The following C12orf42 variants were observed in gnomAD, a reference collection of about 807,000 sequenced individuals.
C12orf42 encodes the protein uncharacterized protein C12orf42.
C12orf42 carries 25 observed loss-of-function variants against 21.6 expected under a neutral mutation model. That is an observed-to-expected ratio of 1.16 (90% CI 0.84 to 1.62). The LOEUF (loss-of-function observed/expected upper bound fraction) is 1.62. Among genes scored for constraint, C12orf42 ranks in the 40% most tolerant of loss-of-function variants. The probability of loss-of-function intolerance (pLI) is 0.00; values close to 1 mark genes in which losing one functional copy is unlikely to be tolerated. For synonymous variants in C12orf42, 174 were observed against 175.0 expected (o/e 0.99, Z 0.05); for missense variants, 483 against 459.3 (o/e 1.05, Z -0.47).
the C12orf42 span, among the ~76,000 whole-genome samples, chr12:103,139,216 T>C: frequency 6.6e-6 from 1 of 152,334 alleles, no homozygotes; most frequent in Non-Finnish European, 1.5e-5. Flanking sequence ...ATTTTCTTTA[T>C]CAATAAAGCG....
chr12:103,486,129 TA>T (rs2138127428), intron 1 of C12orf42, among the ~76,000 whole-genome samples: 1 of 152,328 alleles, frequency 6.6e-6, no homozygotes, highest in South Asian at 2.1e-4. Flanking sequence ...TAGGTCTTAT[TA>T]TTTTGAGGTA....
the C12orf42 span, among the ~76,000 whole-genome samples, chr12:103,174,735 A>C: frequency 6.6e-6 from 1 of 152,192 alleles, no homozygotes; most frequent in Non-Finnish European, 1.5e-5. Context: ...TAGAAAGCAT[A>C]CCTAATTCAT....
downstream of C12orf42, chr12:103,267,651 C>T (rs2035236566): frequency 6.6e-6 from 1 of 151,952 alleles, no homozygotes; most frequent in South Asian, 2.1e-4. Context: ...CCAGAACAGC[C>T]CCATGGGATG....
At chr12:103,196,750 C>T in the C12orf42 span, among the ~76,000 whole-genome samples, 2 of 151,838 alleles carry the variant, frequency 1.3e-5, no homozygotes, top group African/African-American at 2.4e-5. Flanking sequence ...GACCTCTACT[C>T]TTGTCTTCTG....
At chr12:103,077,188 T>C in the C12orf42 span, among the ~76,000 whole-genome samples, 1 of 152,222 alleles carries the variant, frequency 6.6e-6, no homozygotes, top group Admixed American at 6.5e-5. Context: ...TAATTGAAGA[T>C]ATAATTAACA....
chr12:103,489,400 C>T (rs1272709424), intron 1 of C12orf42, among the ~76,000 whole-genome samples: 4 of 152,246 alleles, frequency 2.6e-5, no homozygotes, highest in Admixed American at 2.6e-4. Context: ...TTAGGCTACA[C>T]AGGGGTCAGG....
At position 103,281,509 on chromosome 12, in the gene C12orf42, A is replaced by T. The variant is rs144294165; in HGVS notation, n.338-4299T>A. ...TCCCAAGTAGCTACAGGCGCCCACC[A>T]CCATGCCTGGCTAATTTTTTGTATT... On this transcript the variant is annotated intron_variant and non_coding_transcript_variant, in intron 4 of 6. Coordinates refer to the C12orf42 transcript ENST00000546526. Among the ~76,000 whole-genome samples, 144 of 151,472 alleles carry T rather than the reference A, an allele frequency of 9.5e-4. 1 individual carries two copies. In the East Asian group the frequency reaches 0.023, roughly 24 times the overall value.
intron 2 of C12orf42, among the ~76,000 whole-genome samples, chr12:103,433,356 A>T (rs953322596): frequency 6.6e-6 from 1 of 152,232 alleles, no homozygotes; most frequent in African/African-American, 2.4e-5. Flanking sequence ...TGAATTATGA[A>T]TGAGGAATTC....
At chr12:103,138,347 T>TAGTG in the C12orf42 span, among the ~76,000 whole-genome samples, 114 of 152,304 alleles carry the variant, frequency 7.5e-4, 1 homozygote, top group African/African-American at 2.7e-3. Context: ...GTTCTTGTGA[T>TAGTG]AGTGAGTGAG....
chr12:103,420,335 G>A (rs2049772810), intron 2 of C12orf42, among the ~76,000 whole-genome samples: 1 of 152,136 alleles, frequency 6.6e-6, no homozygotes. Flanking sequence ...TTCCTTTGAA[G>A]ATTCTTTGGA....
chr12:103,262,338 C>A (rs1479414683), intron 10 of C12orf42: 1 of 152,250 alleles, frequency 6.6e-6, no homozygotes, highest in East Asian at 1.9e-4. Context: ...GAATTATATG[C>A]AGTTTCAAAG....
At position 103,281,915 on chromosome 12, in the gene C12orf42, AAAAGAAAGAAAG is replaced by A. The variant is rs3063699; in HGVS notation, n.338-4717_338-4706del. On this transcript the variant is annotated intron_variant and non_coding_transcript_variant, in intron 4 of 6. Transcript: ENST00000546526. ...AAAGAAAGAAAGAAAAGAAGAAAGA[AAAAGAAAGAAAG>A]AAAGAAAGAAAGAAAGAAAGAAAGA... Among the ~76,000 whole-genome samples the A allele has an allele frequency of 8.4e-3, 1,192 of 141,940 alleles. 5 individuals are homozygous for A. The highest frequency in any genetic ancestry group is 0.02 in the African/African-American group (753 of 37,782). 93.1% of individuals were successfully genotyped at this position (141,940 alleles called of 152,430 possible).
At chr12:103,548,480 T>A in the C12orf42 span, among the ~76,000 whole-genome samples, 33 of 152,132 alleles carry the variant, frequency 2.2e-4, no homozygotes, top group Non-Finnish European at 3.8e-4. Flanking sequence ...AAACTCGACA[T>A]AAATAGAGCT....
chr12:103,373,136 G>C (rs976839343), intron 3 of C12orf42, among the ~76,000 whole-genome samples: 31 of 152,182 alleles, frequency 2.0e-4, no homozygotes, highest in African/African-American at 7.5e-4. Flanking sequence ...ATATATGAAA[G>C]CACAACCCCC....
intron 4 of C12orf42, among the ~76,000 whole-genome samples, chr12:103,368,663 T>G (rs1451915590): frequency 1.3e-5 from 2 of 152,086 alleles, no homozygotes; most frequent in East Asian, 3.9e-4. Context: ...ATTAATAAAA[T>G]GAAATTAATC....
At chr12:103,085,031 G>A in the C12orf42 span, among the ~76,000 whole-genome samples, 14 of 152,174 alleles carry the variant, frequency 9.2e-5, no homozygotes, top group Non-Finnish European at 1.8e-4. Flanking sequence ...TGAAGAGTTG[G>A]TGGAGAGGGA....
chr12:103,350,231 A>ACACAC (rs1197266923), intron 4 of C12orf42, among the ~76,000 whole-genome samples: 1 of 152,308 alleles, frequency 6.6e-6, no homozygotes, highest in African/African-American at 2.4e-5. Context: ...GAAATAAACC[A>ACACAC]CACATACATT....
chr12:103,299,939 T>C (rs2136436159), downstream of C12orf42, among the ~76,000 whole-genome samples: 1 of 152,284 alleles, frequency 6.6e-6, no homozygotes, highest in East Asian at 1.9e-4. Context: ...AACATGTGCA[T>C]CCAAAATGAG....
rs145356917 is a variant in C12orf42, at chr12:103,272,222, C to T, written n.399-2369G>A. ...ACACTCTCCTGGGGCAAAACATTGA[C>T]CATGGCTGTCTTATTTCTAGGTCTC... On this transcript the variant is annotated intron_variant and non_coding_transcript_variant, in intron 5 of 6. Coordinates refer to the C12orf42 transcript ENST00000546526. 3.1e-3 allele frequency among the ~76,000 whole-genome samples: 478 copies of T among 152,232 alleles called. 2 individuals carry two copies. Among genetic ancestry groups the T allele is most frequent in the Non-Finnish European group, 4.8e-3 (326 of 68,004 alleles).
Sources: gnomAD v4.1 joint callset for allele counts (sites outside exome capture counted in the v4.1 genomes callset) on GRCh38, gnomAD v4.1.1 for gene constraint, MANE v1.5 for transcripts, NCBI Gene and HGNC (gene_info 2026-07-23, HGNC 2026-07-21) for gene names.